The following CCDC178 variants were observed in gnomAD, a reference collection of about 807,000 sequenced individuals.
CCDC178 encodes the protein coiled-coil domain containing 178.
CCDC178 carries 126 observed loss-of-function variants against 117.4 expected under a neutral mutation model. That is an observed-to-expected ratio of 1.07 (90% CI 0.93 to 1.24). The LOEUF is 1.24. Ranked by LOEUF, CCDC178 falls within the 50% of genes most tolerant of loss-of-function variation. The pLI is 0.00. For missense variants in CCDC178, 1,030 were observed against 986.9 expected (o/e 1.04, Z -0.59); for synonymous variants, 283 against 313.4 (o/e 0.90, Z 1.02).
At chr18:33,327,387 C>T (rs1442224367) in intron 10 of CCDC178, among the ~76,000 whole-genome samples, 2 of 152,066 alleles carry the variant, frequency 1.3e-5, no homozygotes, top group Admixed American at 1.3e-4. Flanking sequence ...GTGAATAGTG[C>T]TACTAATGAA....
intron 21 of CCDC178, among the ~76,000 whole-genome samples, chr18:33,091,516 TAGTGGAGGCA>T (rs1200005770): frequency 6.6e-6 from 1 of 151,824 alleles, no homozygotes; most frequent in Non-Finnish European, 1.5e-5. Context: ...TTTGTATTTT[TAGTGGAGGCA>T]GGGTTTCACC....
intron 20 of CCDC178, among the ~76,000 whole-genome samples, chr18:33,179,080 T>A (rs9956592): frequency 0.3 from 9,628 of 32,366 alleles, 847 homozygotes; most frequent in Non-Finnish European, 0.33. Flanking sequence ...AAAAAAAAAA[T>A]ATATATATAT....
At chr18:32,978,408 A>G (rs549438427) in intron 21 of CCDC178, among the ~76,000 whole-genome samples, 121 of 152,162 alleles carry the variant, frequency 8.0e-4, no homozygotes, top group African/African-American at 2.7e-3. Flanking sequence ...AACAACTAAG[A>G]TGCTGCAAAG....
At chr18:33,348,598 A>G (rs2062927591) in intron 8 of CCDC178, among the ~76,000 whole-genome samples, 1 of 151,948 alleles carries the variant, frequency 6.6e-6, no homozygotes, top group South Asian at 2.1e-4. Context: ...AATACTGATT[A>G]TCACAGAAAG....
intron 14 of CCDC178, among the ~76,000 whole-genome samples, chr18:33,247,346 TA>T (rs1489636789): frequency 7.9e-5 from 12 of 151,848 alleles, no homozygotes; most frequent in African/African-American, 2.9e-4. Context: ...ACTGATTTTG[TA>T]AAAGGAAAAG....
chr18:33,412,385 G>A (rs2063868594), intron 2 of CCDC178, among the ~76,000 whole-genome samples: 2 of 151,722 alleles, frequency 1.3e-5, no homozygotes. Flanking sequence ...TTTAGCATTG[G>A]CAATTGTAGC....
intron 20 of CCDC178, among the ~76,000 whole-genome samples, chr18:33,119,686 T>G (rs1194356171): frequency 6.6e-6 from 1 of 152,168 alleles, no homozygotes; most frequent in Non-Finnish European, 1.5e-5. Flanking sequence ...CATTACTGGG[T>G]ATATACCCAA....
intron 9 of CCDC178, among the ~76,000 whole-genome samples, chr18:33,344,889 G>A (rs973026475): frequency 6.6e-6 from 1 of 150,440 alleles, no homozygotes; most frequent in African/African-American, 2.5e-5. Context: ...TACTATATTA[G>A]TGGAGCATAC....
intron 22 of CCDC178, among the ~76,000 whole-genome samples, chr18:32,949,197 G>A (rs2054420993): frequency 6.6e-6 from 1 of 151,980 alleles, no homozygotes. Flanking sequence ...CTGGTTTTGA[G>A]TAATTTCATT....
chr18:33,120,581 GA>G (rs2057923925), intron 20 of CCDC178, among the ~76,000 whole-genome samples: 2 of 152,128 alleles, frequency 1.3e-5, no homozygotes, highest in South Asian at 4.1e-4. Context: ...ACCTGGAAAA[GA>G]ACCATGACCA....
intron 3 of CCDC178, among the ~76,000 whole-genome samples, chr18:33,411,146 A>G (rs2063845792): frequency 6.6e-6 from 1 of 152,208 alleles, no homozygotes; most frequent in African/African-American, 2.4e-5. Context: ...AATGTTCATG[A>G]TGCTGTATGC....
At chr18:33,399,639 T>C (rs1599272211) in intron 3 of CCDC178, among the ~76,000 whole-genome samples, 1 of 152,320 alleles carries the variant, frequency 6.6e-6, no homozygotes, top group African/African-American at 2.4e-5. Context: ...ACTTTTATCA[T>C]GAGATTGCAG....
intron 20 of CCDC178, among the ~76,000 whole-genome samples, chr18:33,124,076 G>T (rs768738128): frequency 7.9e-5 from 12 of 152,124 alleles, no homozygotes; most frequent in Non-Finnish European, 1.8e-4. Context: ...TAATTACTCT[G>T]TGCAGTACTG....
intron 21 of CCDC178, among the ~76,000 whole-genome samples, chr18:33,059,000 A>T (rs1256635101): frequency 6.6e-6 from 1 of 152,180 alleles, no homozygotes; most frequent in East Asian, 1.9e-4. Flanking sequence ...ATTAGACAGC[A>T]GTTGCTGCCA....
In CCDC178 at chr18:33,412,014, A is replaced by T; in HGVS notation, c.58+17T>A. The T allele has an allele frequency of 1.5e-6, 2 of 1,322,446 alleles. No individual in the cohort carries two copies. The highest frequency in any genetic ancestry group is 2.1e-6 in the Non-Finnish European group (2 of 942,286). The allele number at this position is 1,322,446 out of a possible 1,614,324, so 81.9% of individuals were successfully genotyped here. ...TATGAACTATTTTCAAAGAAAATCA[A>T]TTTATGATAAACTTACCTATATTGG... On this transcript the variant is annotated intron_variant, in intron 3 of 22. Coordinates refer to ENST00000383096, the MANE Select transcript of CCDC178 (RefSeq NM_001105528.4).
intron 11 of CCDC178, among the ~76,000 whole-genome samples, chr18:33,301,045 G>A (rs2062170577): frequency 6.6e-6 from 1 of 152,222 alleles, no homozygotes. Flanking sequence ...TGGCCCAGGA[G>A]GAAAGAACTG....
intron 5 of CCDC178, among the ~76,000 whole-genome samples, chr18:33,384,796 C>G (rs181396973): frequency 2.6e-4 from 39 of 152,282 alleles, no homozygotes; most frequent in Middle Eastern, 3.4e-3. Context: ...TATGAAGCAA[C>G]TATATTAACA....
At chr18:33,258,421 G>C (rs141020552) in intron 14 of CCDC178, among the ~76,000 whole-genome samples, 1 of 152,090 alleles carries the variant, frequency 6.6e-6, no homozygotes, top group African/African-American at 2.4e-5. Flanking sequence ...TCTTCATTCC[G>C]GTCTCAATTC....
intron 20 of CCDC178, among the ~76,000 whole-genome samples, chr18:33,172,491 A>T (rs889177033): frequency 1.3e-5 from 2 of 152,066 alleles, no homozygotes; most frequent in South Asian, 4.1e-4. Flanking sequence ...TCATGAAAAA[A>T]TTATGTTTAT....
Sources: gnomAD v4.1 joint callset for allele counts (sites outside exome capture counted in the v4.1 genomes callset) on GRCh38, gnomAD v4.1.1 for gene constraint, MANE v1.5 for transcripts, NCBI Gene and HGNC (gene_info 2026-07-23, HGNC 2026-07-21) for gene names.